NEGR1: variants seen among roughly 807,000 people sequenced by gnomAD.
The protein encoded by NEGR1 is IgLON family member 4.
NEGR1 carries 10 observed loss-of-function variants against 40.9 expected under a neutral mutation model. The observed-to-expected ratio is 0.24, with a 90% CI of 0.15 to 0.42. The LOEUF (loss-of-function observed/expected upper bound fraction) is 0.42, where lower values mean the gene tolerates loss of function less well. Among genes scored for constraint, NEGR1 ranks in the 10% least tolerant of loss-of-function variants. The pLI, the probability that NEGR1 is intolerant of heterozygous loss-of-function variation, is 1.00. For synonymous variants in NEGR1, 185 were observed against 166.8 expected (o/e 1.11, Z -0.84); for missense variants, 352 against 438.9 (o/e 0.80, Z 1.77).
intron 2 of NEGR1, among the ~76,000 whole-genome samples, chr1:71,807,194 C>A (rs928778023): frequency 6.6e-6 from 1 of 151,990 alleles, no homozygotes; most frequent in Non-Finnish European, 1.5e-5. Context: ...CCGCACCTGG[C>A]CATGTCGATC....
chr1:72,073,310 TC>T (rs1159837762), intron 1 of NEGR1, among the ~76,000 whole-genome samples: 1 of 152,120 alleles, frequency 6.6e-6, no homozygotes, highest in Non-Finnish European at 1.5e-5. Context: ...GGGCCATCTT[TC>T]ATCAGAACTC....
intron 2 of NEGR1, among the ~76,000 whole-genome samples, chr1:71,811,478 C>T (rs1222673359): frequency 1.3e-5 from 2 of 151,868 alleles, no homozygotes; most frequent in Non-Finnish European, 2.9e-5. Flanking sequence ...ACACCCTTGG[C>T]CCAAGTCAGT....
At chr1:71,760,163 A>G (rs1407084308) in intron 3 of NEGR1, among the ~76,000 whole-genome samples, 1 of 152,120 alleles carries the variant, frequency 6.6e-6, no homozygotes, top group African/African-American at 2.4e-5. Context: ...ATAAGAAAAA[A>G]AATCTTTTAT....
chr1:72,158,282 G>A (rs1038198166), intron 1 of NEGR1, among the ~76,000 whole-genome samples: 1 of 152,136 alleles, frequency 6.6e-6, no homozygotes, highest in South Asian at 2.1e-4. Flanking sequence ...TGTAATATTG[G>A]CAAGCTGTAA....
rs1650235656 is a variant in NEGR1 at position 71,611,130 on chromosome 1, C to T, written c.684G>A (p.Gln228=). The part of the protein sequence containing the change: ...KVVVNFAPTI[Q]EIKSGTVTPG... ...GGGTCACGGTGCCAGATTTAATTTC[C>T]TGAATAGTAGGAGCAACTGCAAAAG... Residue 228 remains glutamine, a synonymous_variant, in exon 5 of 7, where the codon CAG becomes CAA. Coordinates refer to ENST00000357731, the MANE Select transcript of NEGR1 (RefSeq NM_173808.3). The T allele has an allele frequency of 6.2e-7, 1 of 1,613,858 alleles. No homozygotes were observed. The highest frequency in any genetic ancestry group is 8.5e-7 in the Non-Finnish European group (1 of 1,179,920).
intron 6 of NEGR1, among the ~76,000 whole-genome samples, chr1:71,511,479 T>C (rs1307185977): frequency 6.6e-6 from 1 of 152,224 alleles, no homozygotes; most frequent in African/African-American, 2.4e-5. Flanking sequence ...TGTTTCACTA[T>C]TACAAATAAT....
At chr1:72,198,504 T>G (rs1471580326) in intron 1 of NEGR1, among the ~76,000 whole-genome samples, 2 of 152,030 alleles carry the variant, frequency 1.3e-5, no homozygotes, top group Non-Finnish European at 2.9e-5. Context: ...AAAAAAAAAT[T>G]TCTATGTTAT....
intron 3 of NEGR1, among the ~76,000 whole-genome samples, chr1:71,729,028 C>CT (rs1173324732): frequency 2.6e-5 from 4 of 152,022 alleles, no homozygotes; most frequent in Admixed American, 6.6e-5. Flanking sequence ...CGGCTTAAAA[C>CT]TTTTTTGTGA....
At chr1:72,215,003 G>T (rs372979612) in intron 1 of NEGR1, among the ~76,000 whole-genome samples, 2 of 151,978 alleles carry the variant, frequency 1.3e-5, no homozygotes, top group Non-Finnish European at 2.9e-5. Flanking sequence ...CATGGTACTC[G>T]TACCAAAACA....
At position 71,833,078 on chromosome 1, in the gene NEGR1, T is replaced by C. The variant is rs114695777; in HGVS notation, c.410-56781A>G. On this transcript the variant is annotated intron_variant, in intron 2 of 6. Coordinates refer to ENST00000357731, the MANE Select transcript of NEGR1 (RefSeq NM_173808.3). ...AAGTTGTGATACAGAGAGAATACAT[T>C]TTTATGACTTCATTCAACCAATAAG... Among the ~76,000 whole-genome samples, 438 of 152,142 alleles carry C rather than the reference T, an allele frequency of 2.9e-3. 4 individuals are homozygous for C. The highest frequency in any genetic ancestry group is 0.01 in the African/African-American group (418 of 41,550).
rs964949557 is a variant in NEGR1, at chr1:71,890,166, G to A, written c.409+44913C>T. On this transcript the variant is annotated intron_variant, in intron 2 of 6. Coordinates refer to ENST00000357731, the MANE Select transcript of NEGR1 (RefSeq NM_173808.3). ...AGGAAGAAACTGCATCAACTAACGA[G>A]CAAAATCACCAGCTAACATCATAAT... is the stretch of plus-strand genomic sequence containing the variant. 5.3e-5 allele frequency among the ~76,000 whole-genome samples: 7 copies of A among 133,020 alleles called. No homozygotes were observed. The Admixed American group carries it at 6.2e-4, about 12-fold the overall frequency. The allele number at this position is 133,020 out of a possible 152,430, so 87.3% of individuals were successfully genotyped here.
intron 1 of NEGR1, among the ~76,000 whole-genome samples, chr1:72,084,192 C>T (rs1263936642): frequency 6.6e-6 from 1 of 152,110 alleles, no homozygotes; most frequent in Non-Finnish European, 1.5e-5. Context: ...GAAAGGTCTA[C>T]CCATCCCCAT....
chr1:71,661,380 G>A (rs536846238), intron 4 of NEGR1, among the ~76,000 whole-genome samples: 46 of 152,174 alleles, frequency 3.0e-4, no homozygotes, highest in African/African-American at 1.1e-3. Context: ...ACCACACCAG[G>A]GACAAGCTAA....
intron 3 of NEGR1, among the ~76,000 whole-genome samples, chr1:71,700,700 C>T (rs945205165): frequency 6.6e-6 from 1 of 151,944 alleles, no homozygotes; most frequent in African/African-American, 2.4e-5. Flanking sequence ...GGTCAGAAAT[C>T]CAGCAGAAGC....
At chr1:71,816,045 T>C (rs1658194762) in intron 2 of NEGR1, among the ~76,000 whole-genome samples, 1 of 152,100 alleles carries the variant, frequency 6.6e-6, no homozygotes, top group Non-Finnish European at 1.5e-5. Context: ...TCAAACACCC[T>C]AAGTTTTTTA....
intron 2 of NEGR1, among the ~76,000 whole-genome samples, chr1:71,808,883 G>T (rs992987441): frequency 6.6e-6 from 1 of 152,002 alleles, no homozygotes; most frequent in Non-Finnish European, 1.5e-5. Flanking sequence ...AAACATAAAT[G>T]ACACTAACAA....
intron 1 of NEGR1, among the ~76,000 whole-genome samples, chr1:72,114,062 T>C (rs2100274874): frequency 6.6e-6 from 1 of 151,908 alleles, no homozygotes; most frequent in South Asian, 2.1e-4. Context: ...GTTTTCAAAA[T>C]TGATCAACGT....
intron 1 of NEGR1, among the ~76,000 whole-genome samples, chr1:72,112,263 G>GT (rs200271583): frequency 2.6e-4 from 33 of 125,518 alleles, no homozygotes; most frequent in Admixed American, 1.1e-3. Context: ...ACACTTTTAC[G>GT]TTTAAAAAAA....
At chr1:71,613,507 C>T (rs958709608) in intron 4 of NEGR1, among the ~76,000 whole-genome samples, 2 of 151,992 alleles carry the variant, frequency 1.3e-5, no homozygotes, top group Non-Finnish European at 2.9e-5. Context: ...ATTAGCCAGG[C>T]ATAGTGGTGG....
Sources: gnomAD v4.1 joint callset for allele counts (sites outside exome capture counted in the v4.1 genomes callset) on GRCh38, gnomAD v4.1.1 for gene constraint, MANE v1.5 for transcripts, NCBI Gene and HGNC (gene_info 2026-07-23, HGNC 2026-07-21) for gene names.